The following GNA14 variants were observed in gnomAD, a reference collection of about 807,000 sequenced individuals.
GNA14 encodes guanine nucleotide-binding protein subunit alpha-14.
A neutral mutation model predicts 42.0 loss-of-function variants in GNA14; 50 were observed. The observed-to-expected ratio is 1.19, with a 90% CI of 0.95 to 1.51. GNA14 has a LOEUF of 1.51. GNA14 is among the 40% of genes most tolerant of loss of function. The probability of loss-of-function intolerance (pLI) is 0.00; values close to 1 mark genes in which losing one functional copy is unlikely to be tolerated. For missense variants in GNA14, 473 were observed against 446.2 expected (o/e 1.06, Z -0.54); for synonymous variants, 173 against 163.1 (o/e 1.06, Z -0.46).
At chr9:77,517,052 C>A (rs1837269658) in intron 2 of GNA14, among the ~76,000 whole-genome samples, 1 of 152,170 alleles carries the variant, frequency 6.6e-6, no homozygotes, top group Non-Finnish European at 1.5e-5. Flanking sequence ...GTGGAGGAAT[C>A]ACAGAAATGG....
At chr9:77,446,889 C>T (rs1489409090) in intron 2 of GNA14, among the ~76,000 whole-genome samples, 1 of 152,030 alleles carries the variant, frequency 6.6e-6, no homozygotes, top group African/African-American at 2.4e-5. Flanking sequence ...TAAAGAAATC[C>T]ATTTTAACCA....
chr9:77,430,943 G>C (rs1196018372), intron 4 of GNA14, among the ~76,000 whole-genome samples: 1 of 151,764 alleles, frequency 6.6e-6, no homozygotes, highest in African/African-American at 2.4e-5. Context: ...GGAAATAGAG[G>C]AGAAAGGAAA....
chr9:77,546,060 T>C (rs1320205024), intron 1 of GNA14, among the ~76,000 whole-genome samples: 1 of 151,656 alleles, frequency 6.6e-6, no homozygotes, highest in Non-Finnish European at 1.5e-5. Context: ...TAACTAAATA[T>C]ACAAAAAATA....
chr9:77,508,930 G>A (rs1043194952), intron 2 of GNA14, among the ~76,000 whole-genome samples: 2 of 151,860 alleles, frequency 1.3e-5, no homozygotes, highest in African/African-American at 4.8e-5. Context: ...ACTTAGTGAG[G>A]GTATTTTTTT....
intron 1 of GNA14, among the ~76,000 whole-genome samples, chr9:77,627,646 C>T (rs1824031418): frequency 1.3e-5 from 2 of 152,060 alleles, no homozygotes; most frequent in Admixed American, 6.6e-5. Context: ...CCAAAAACCA[C>T]GATTATCTCA....
At chr9:77,606,183 TA>T (rs772262699) in intron 1 of GNA14, among the ~76,000 whole-genome samples, 30 of 152,082 alleles carry the variant, frequency 2.0e-4, no homozygotes, top group Non-Finnish European at 4.0e-4. Flanking sequence ...CAGGAGAAAT[TA>T]TCAGCAATTA....
Position 77,499,707 on chromosome 9 carries a change from G to A in GNA14, c.309+29362C>T, listed in dbSNP as rs138999823. ...TCTACTAAAAATACAAAAATTAGCC[G>A]GGCATGGTGGCGCGCTCCTGTAGTC... On this transcript the variant is annotated intron_variant, in intron 2 of 6. Transcript: ENST00000341700. Among the ~76,000 whole-genome samples, 36 of 152,052 alleles carry A rather than the reference G, an allele frequency of 2.4e-4. No homozygotes were observed. The South Asian group carries it at 6.6e-3, about 28-fold the overall frequency.
At chr9:77,460,986 T>G (rs1216416395) in intron 2 of GNA14, among the ~76,000 whole-genome samples, 2 of 152,154 alleles carry the variant, frequency 1.3e-5, no homozygotes, top group Non-Finnish European at 2.9e-5. Flanking sequence ...ATAAAGTTAG[T>G]TTGTTAACCC....
rs1158448237 is a variant in GNA14, at chr9:77,515,960, C to CAAAAAAAAAAAAAAAAA, written c.309+13092_309+13108dup. Among the ~76,000 whole-genome samples, 71 of 52,724 alleles carry CAAAAAAAAAAAAAAAAA rather than the reference C, an allele frequency of 1.3e-3. 8 individuals are homozygous for CAAAAAAAAAAAAAAAAA. Among genetic ancestry groups the CAAAAAAAAAAAAAAAAA allele is most frequent in the Middle Eastern group, 0.021 (1 of 48 alleles). 34.6% of individuals were successfully genotyped at this position (52,724 alleles called of 152,430 possible). On this transcript the variant is annotated intron_variant, in intron 2 of 6. Transcript: ENST00000341700. ...GGCAACGCAGCAAGACCCTGTCTCA[C>CAAAAAAAAAAAAAAAAA]AAAAAAAAAAAAAAAAAAAAAAACC...
intron 2 of GNA14, among the ~76,000 whole-genome samples, chr9:77,514,762 T>C (rs1328321422): frequency 1.4e-4 from 22 of 152,060 alleles, no homozygotes; most frequent in Admixed American, 1.3e-4. Context: ...TACAGGCGTC[T>C]GCCACCACGC....
At position 77,531,112 on chromosome 9, in the gene GNA14, A is replaced by C. The variant is rs554507919; in HGVS notation, c.125-1859T>G. Among the ~76,000 whole-genome samples, 10 of 152,318 alleles carry C rather than the reference A, an allele frequency of 6.6e-5. No homozygotes were observed. In the South Asian group the frequency reaches 2.1e-3, roughly 32 times the overall value. On this transcript the variant is annotated intron_variant, in intron 1 of 6. Coordinates refer to ENST00000341700, the MANE Select transcript of GNA14 (RefSeq NM_004297.4). ...ACATCGCCTAAATGCTTGCTTGCAA[A>C]TATATCTCTCACCATACCTTTCATC...
At chr9:77,479,355 G>C (rs916927706) in intron 2 of GNA14, among the ~76,000 whole-genome samples, 4 of 152,110 alleles carry the variant, frequency 2.6e-5, no homozygotes, top group African/African-American at 9.7e-5. Flanking sequence ...TTATTTCTGA[G>C]GGCTCTGTTC....
rs1463403230 is a variant in GNA14, at chr9:77,501,614, G to A, written c.309+27455C>T. On this transcript the variant is annotated intron_variant, in intron 2 of 6. Coordinates refer to ENST00000341700, the MANE Select transcript of GNA14 (RefSeq NM_004297.4). ...AGATCTAGCTCTTTGTTGGATATATGGCTTGGAAATATTTTCTCCAAGTTT... is the reference window on the plus strand; with the variant it reads ...AGATCTAGCTCTTTGTTGGATATATAGCTTGGAAATATTTTCTCCAAGTTT... Among the ~76,000 whole-genome samples, 4 of 151,674 alleles carry A rather than the reference G, an allele frequency of 2.6e-5. No homozygotes were observed. The South Asian group carries it at 6.3e-4, about 24-fold the overall frequency.
intron 1 of GNA14, among the ~76,000 whole-genome samples, chr9:77,542,574 A>G (rs1837673766): frequency 6.6e-6 from 1 of 152,160 alleles, no homozygotes; most frequent in South Asian, 2.1e-4. Context: ...GCAGGTTCTC[A>G]GACCACTGGG....
chr9:77,542,727 G>A (rs1837675821), intron 1 of GNA14, among the ~76,000 whole-genome samples: 1 of 152,228 alleles, frequency 6.6e-6, no homozygotes, highest in Non-Finnish European at 1.5e-5. Flanking sequence ...GCAGGTGGGT[G>A]CCAGCTGTGG....
chr9:77,588,839 C>T (rs907442565), intron 1 of GNA14, among the ~76,000 whole-genome samples: 1 of 152,114 alleles, frequency 6.6e-6, no homozygotes, highest in Non-Finnish European at 1.5e-5. Flanking sequence ...ATACTGGGTG[C>T]TTACTGTGTT....
intron 2 of GNA14, among the ~76,000 whole-genome samples, chr9:77,449,845 G>C (rs905924612): frequency 3.9e-5 from 6 of 152,234 alleles, no homozygotes; most frequent in African/African-American, 1.4e-4. Context: ...CAAAACGCCA[G>C]AGCATAATCT....
At chr9:77,515,663 G>C (rs1050949337) in intron 2 of GNA14, among the ~76,000 whole-genome samples, 2 of 152,044 alleles carry the variant, frequency 1.3e-5, no homozygotes, top group African/African-American at 4.8e-5. Context: ...TGCTCTTGAG[G>C]AATTCAAGAG....
chr9:77,494,153 G>A (rs2131738516), intron 2 of GNA14, among the ~76,000 whole-genome samples: 1 of 152,090 alleles, frequency 6.6e-6, no homozygotes, highest in South Asian at 2.1e-4. Flanking sequence ...GAACTCCTAA[G>A]CTCAGGCAAT....
Sources: allele counts gnomAD v4.1 joint callset (sites outside exome capture counted in the v4.1 genomes callset), GRCh38; gene constraint gnomAD v4.1.1; transcripts MANE v1.5; gene names NCBI Gene and HGNC (gene_info 2026-07-23, HGNC 2026-07-21).